MTOR: variants seen among roughly 807,000 people sequenced by gnomAD.
The protein encoded by MTOR is mechanistic target of rapamycin kinase, also known as serine/threonine-protein kinase mTOR.
In MTOR, 70 loss-of-function variants were observed where a neutral mutation model predicts 319.8. That is an observed-to-expected ratio of 0.22 (90% CI 0.18 to 0.27). The LOEUF (loss-of-function observed/expected upper bound fraction) is 0.27, where lower values mean the gene tolerates loss of function less well. Among genes scored for constraint, MTOR ranks in the 10% least tolerant of loss-of-function variants. The pLI is 1.00. For synonymous variants in MTOR, 1,183 were observed against 1,211.4 expected (o/e 0.98, Z 0.49); for missense variants, 1,890 against 3,274.4 (o/e 0.58, Z 10.32).
intron 31 of MTOR, chr1:11,149,538 G>A (rs41274514): frequency 3.6e-3 from 552 of 152,518 alleles, no homozygotes; most frequent in Non-Finnish European, 6.3e-3. Context: ...TAATAAACAA[G>A]TAAATGTAAG....
intron 30 of MTOR, among the ~76,000 whole-genome samples, chr1:11,156,652 G>A (rs58240636): frequency 0.012 from 1,841 of 152,148 alleles, 47 homozygotes; most frequent in African/African-American, 0.041. Context: ...CTCTGTTTAC[G>A]TGGCTGTCTC....
intron 31 of MTOR, among the ~76,000 whole-genome samples, chr1:11,147,140 C>A (rs1365020592): frequency 6.6e-6 from 1 of 152,196 alleles, no homozygotes; most frequent in South Asian, 2.1e-4. Flanking sequence ...CCAGGTGCAA[C>A]AAAATTGCTT....
intron 25 of MTOR, among the ~76,000 whole-genome samples, chr1:11,205,282 T>C (rs1288173100): frequency 6.6e-6 from 1 of 152,168 alleles, no homozygotes; most frequent in East Asian, 1.9e-4. Flanking sequence ...GGGCAGCTTA[T>C]TCAGGTGGGT....
chr1:11,183,048 C>T (rs962483214), intron 28 of MTOR, among the ~76,000 whole-genome samples: 1 of 152,158 alleles, frequency 6.6e-6, no homozygotes, highest in Non-Finnish European at 1.5e-5. Context: ...GATTGTTTTC[C>T]AAAGTGGCTT....
intron 25 of MTOR, 36 bp downstream of exon 25, chr1:11,209,276 C>A (rs1007764429): frequency 1.2e-5 from 19 of 1,613,750 alleles, no homozygotes; most frequent in Non-Finnish European, 1.6e-5. Context: ...AAGAGCAGAG[C>A]TCTCCTTTCC....
chr1:11,255,793 G>A (rs540585958), intron 5 of MTOR, among the ~76,000 whole-genome samples, 199 bp downstream of exon 5: 33 of 147,390 alleles, frequency 2.2e-4, no homozygotes, highest in Non-Finnish European at 3.7e-4. Context: ...GTTGCAGTGA[G>A]CCGAGATTGC....
chr1:11,227,951 G>A (rs1646899033), intron 19 of MTOR, among the ~76,000 whole-genome samples: 1 of 152,020 alleles, frequency 6.6e-6, no homozygotes, highest in Non-Finnish European at 1.5e-5. Flanking sequence ...CTACTCGGCC[G>A]CATGCTCGCA....
At chr1:11,160,146 G>T (rs896070654) in intron 29 of MTOR, among the ~76,000 whole-genome samples, 2 of 150,396 alleles carry the variant, frequency 1.3e-5, no homozygotes, top group Non-Finnish European at 3.0e-5. Flanking sequence ...TGTTGCTCAG[G>T]CTGGAGTGCA....
chr1:11,229,004 T>A (rs1370233784), intron 18 of MTOR, 86 bp from the exon 19 acceptor site: 1 of 1,474,952 alleles, frequency 6.8e-7, no homozygotes, highest in African/African-American at 1.4e-5. Flanking sequence ...AACAACCTCC[T>A]AACAGACATT....
At chr1:11,233,966 A>C (rs1445691897) in intron 14 of MTOR, among the ~76,000 whole-genome samples, 177 bp downstream of exon 14, 1 of 152,150 alleles carries the variant, frequency 6.6e-6, no homozygotes, top group Non-Finnish European at 1.5e-5. Context: ...GCAACTGATA[A>C]GATTCTTGGT....
chr1:11,232,331 A>G, intron 16 of MTOR, 105 bp downstream of exon 16: 1 of 726,806 alleles, frequency 1.4e-6, no homozygotes, highest in South Asian at 2.1e-5. Flanking sequence ...TATGTGTCAC[A>G]CTCTGTTCTA....
rs1647089006 is a variant in MTOR, at chr1:11,233,409, C to G, written c.2410G>C (p.Glu804Gln). The change falls in exon 15 of 58, where the codon GAA becomes CAA. Residue 804 changes from glutamate (E) to glutamine (Q), a missense_variant. This residue lies in a region of MTOR where 377 missense variants were observed against 653.9 expected (regional missense o/e 0.58). Coordinates refer to ENST00000361445, the MANE Select transcript of MTOR (RefSeq NM_004958.4). ...AGCTGCCCCTTTACCTGTGCCAATTCTCCTATTGTTGCCAGGACATTATTG... is the reference window on the plus strand; with the variant it reads ...AGCTGCCCCTTTACCTGTGCCAATTGTCCTATTGTTGCCAGGACATTATTG... ...VINNVLATIGELAQVSGLEMR... is the reference protein window; with the variant it reads ...VINNVLATIGQLAQVSGLEMR... The G allele has an allele frequency of 1.2e-6, 2 of 1,614,002 alleles. No homozygotes were observed. Among genetic ancestry groups the G allele is most frequent in the Non-Finnish European group, 1.7e-6 (2 of 1,179,950 alleles).
chr1:11,220,766 C>T (rs1646635689), intron 19 of MTOR, among the ~76,000 whole-genome samples: 1 of 152,074 alleles, frequency 6.6e-6, no homozygotes, highest in African/African-American at 2.4e-5. Context: ...TTGATTTTAG[C>T]CCAGTGAGAC....
rs774335097 is a variant in MTOR, at chr1:11,128,833, A to G, written c.5811+22T>C. 1 of 1,596,002 alleles carries G rather than the reference A, an allele frequency of 6.3e-7. No individual in the cohort carries two copies. The highest frequency in any genetic ancestry group is 8.6e-7 in the Non-Finnish European group (1 of 1,164,766). On this transcript the variant is annotated intron_variant, in intron 41 of 57. Coordinates refer to ENST00000361445, the MANE Select transcript of MTOR (RefSeq NM_004958.4). The surrounding 1 kb of genome is among the most constrained non-coding windows in gnomAD (Gnocchi z 5.3). ...AGAAGAGAGACTTGGAGCCACCTTC[A>G]CCTGTAACCAAGTATCCTCACCTGT...
At chr1:11,162,700 G>T (rs1175701134) in intron 29 of MTOR, among the ~76,000 whole-genome samples, 5 of 152,124 alleles carry the variant, frequency 3.3e-5, no homozygotes, top group African/African-American at 1.2e-4. Context: ...CATAAGTGAA[G>T]GAGGAATAAA....
rs1647505108 is a variant in MTOR, at chr1:11,238,478, A to G, written c.1926T>C (p.His642=). ...CTTGCACTGCGGTCTGGCTAACCAC[A>G]TGAGCATGGCCACTGATGAGGTGGA... The part of the protein sequence containing the change: ...PSIHLISGHA[H]VVSQTAVQVV... Residue 642 remains histidine (H), a synonymous_variant, in exon 12 of 58, where the codon CAT becomes CAC. Coordinates refer to ENST00000361445, the MANE Select transcript of MTOR (RefSeq NM_004958.4). 1 of 1,614,078 alleles carries G rather than the reference A, an allele frequency of 6.2e-7. No homozygotes were observed. Among genetic ancestry groups the G allele is most frequent in the Non-Finnish European group, 8.5e-7 (1 of 1,180,034 alleles).
At chr1:11,244,117 A>G (rs1338956684) in intron 8 of MTOR, among the ~76,000 whole-genome samples, 1 of 151,652 alleles carries the variant, frequency 6.6e-6, no homozygotes, top group Non-Finnish European at 1.5e-5. Flanking sequence ...ACATAAAGAA[A>G]CCCCATCTCT....
At chr1:11,144,488 A>C in intron 34 of MTOR, 160 bp downstream of exon 34, 1 of 564,812 alleles carries the variant, frequency 1.8e-6, no homozygotes, top group Non-Finnish European at 3.2e-6. Flanking sequence ...TTAGGTGAGG[A>C]GCCTTTGAGT....
intron 28 of MTOR, among the ~76,000 whole-genome samples, chr1:11,186,905 G>A (rs991885138): frequency 6.6e-6 from 1 of 152,154 alleles, no homozygotes; most frequent in Admixed American, 6.6e-5. Flanking sequence ...AAGAGCTTCT[G>A]TCTTCTGTCT....
Sources: allele counts gnomAD v4.1 joint callset (sites outside exome capture counted in the v4.1 genomes callset), GRCh38; gene constraint gnomAD v4.1.1; regional missense constraint gnomAD v4.1.1; non-coding constraint Gnocchi (gnomAD v3.1); transcripts MANE v1.5; gene names NCBI Gene and HGNC (gene_info 2026-07-23, HGNC 2026-07-21).